GPATCH2: variants seen among roughly 807,000 people sequenced by gnomAD.
The protein encoded by GPATCH2 is G patch domain-containing protein 2.
In GPATCH2, 51 loss-of-function variants were observed where a neutral mutation model predicts 58.0. That is an observed-to-expected ratio of 0.88 (90% CI 0.70 to 1.11). GPATCH2 has a LOEUF of 1.11. Among genes scored for constraint, GPATCH2 ranks in the 50% most tolerant of loss-of-function variants. GPATCH2 has a pLI of 0.00. For missense variants in GPATCH2, 625 were observed against 652.2 expected (o/e 0.96, Z 0.45); for synonymous variants, 222 against 218.5 (o/e 1.02, Z -0.14).
chr1:217,609,033 G>T (rs1422307891), intron 5 of GPATCH2: 1 of 857,368 alleles, frequency 1.2e-6, no homozygotes, highest in Non-Finnish European at 1.4e-6. Context: ...GCCATTAAAT[G>T]CTGAATTAAC....
At chr1:217,468,711 T>C (rs1221458987) in intron 8 of GPATCH2, among the ~76,000 whole-genome samples, 1 of 152,114 alleles carries the variant, frequency 6.6e-6, no homozygotes, top group Non-Finnish European at 1.5e-5. Flanking sequence ...TAAGGGATTA[T>C]TGTTATTTTT....
At chr1:217,588,258 T>A (rs763367056) in intron 5 of GPATCH2, among the ~76,000 whole-genome samples, 1 of 152,156 alleles carries the variant, frequency 6.6e-6, no homozygotes, top group Non-Finnish European at 1.5e-5. Flanking sequence ...CTCAGAAGCA[T>A]AGGAAAGACT....
At chr1:217,474,158 T>C (rs1217781827) in intron 8 of GPATCH2, among the ~76,000 whole-genome samples, 3 of 152,072 alleles carry the variant, frequency 2.0e-5, no homozygotes, top group Non-Finnish European at 4.4e-5. Flanking sequence ...CAAGGGGAGA[T>C]AGTGAAGCAT....
chr1:217,490,395 T>A (rs1661662009), intron 8 of GPATCH2, among the ~76,000 whole-genome samples: 1 of 152,212 alleles, frequency 6.6e-6, no homozygotes, highest in African/African-American at 2.4e-5. Flanking sequence ...TCTGTATCTA[T>A]GGATTTATAA....
At chr1:217,574,051 AC>A (rs1666693634) in intron 5 of GPATCH2, among the ~76,000 whole-genome samples, 1 of 152,234 alleles carries the variant, frequency 6.6e-6, no homozygotes, top group Admixed American at 6.5e-5. Flanking sequence ...TGCAGTCTTA[AC>A]ATGGATACCA....
intron 5 of GPATCH2, among the ~76,000 whole-genome samples, chr1:217,581,851 T>A (rs1407987422): frequency 6.6e-6 from 1 of 152,174 alleles, no homozygotes; most frequent in African/African-American, 2.4e-5. Context: ...CTTGGGAGGC[T>A]GAGGCAGGAG....
intron 5 of GPATCH2, among the ~76,000 whole-genome samples, chr1:217,547,118 C>G (rs1164785223): frequency 1.3e-5 from 2 of 152,112 alleles, no homozygotes; most frequent in African/African-American, 4.8e-5. Flanking sequence ...AATTCCAGCA[C>G]TTAGGGAGGC....
intron 8 of GPATCH2, among the ~76,000 whole-genome samples, chr1:217,484,227 T>C (rs1292751147): frequency 6.6e-6 from 1 of 152,142 alleles, no homozygotes; most frequent in African/African-American, 2.4e-5. Context: ...CCTCTTCTAA[T>C]CAATTGTTTT....
At chr1:217,499,880 T>A (rs1292757035) in intron 6 of GPATCH2, among the ~76,000 whole-genome samples, 1 of 152,114 alleles carries the variant, frequency 6.6e-6, no homozygotes. Context: ...CACTGTCAAC[T>A]CTTTTAGTCT....
chr1:217,430,395 G>A lies in GPATCH2; in HGVS notation c.*750C>T, dbSNP rs1014872994. The A allele has an allele frequency of 6.6e-6, 1 of 152,150 alleles. No individual in the cohort carries two copies. The highest frequency in any genetic ancestry group is 1.5e-5 in the Non-Finnish European group (1 of 68,034). The allele number at this position is 152,150 out of a possible 1,614,324, so 9.4% of individuals were successfully genotyped here. On this transcript the variant is annotated 3_prime_UTR_variant, in exon 10 of 10. Transcript: ENST00000366935. ...TAATAGAATTTACAGTTCAATCACGGTGAATTTAAAAAATACATTTTTCTT... is the reference window on the plus strand; with the variant it reads ...TAATAGAATTTACAGTTCAATCACGATGAATTTAAAAAATACATTTTTCTT...
intron 5 of GPATCH2, among the ~76,000 whole-genome samples, chr1:217,549,617 A>G (rs1318587211): frequency 6.6e-6 from 1 of 152,222 alleles, no homozygotes; most frequent in Non-Finnish European, 1.5e-5. Context: ...GACTCTTGTC[A>G]TTCATTCATT....
intron 6 of GPATCH2, among the ~76,000 whole-genome samples, chr1:217,507,107 A>C (rs1170438659): frequency 1.3e-5 from 2 of 152,202 alleles, no homozygotes; most frequent in Non-Finnish European, 2.9e-5. Flanking sequence ...TACACCCGGC[A>C]CCTAGTACAC....
At chr1:217,432,463 A>C (rs1434774880) in intron 9 of GPATCH2, among the ~76,000 whole-genome samples, 2 of 152,216 alleles carry the variant, frequency 1.3e-5, no homozygotes, top group Non-Finnish European at 2.9e-5. Flanking sequence ...CAGTCAAAAA[A>C]TACAAGAACT....
chr1:217,457,031 G>T (rs902735050), intron 8 of GPATCH2, among the ~76,000 whole-genome samples: 1 of 152,016 alleles, frequency 6.6e-6, no homozygotes, highest in Non-Finnish European at 1.5e-5. Flanking sequence ...CATTAAGCAC[G>T]CAATGAAAGA....
chr1:217,450,632 T>C (rs1264033671), intron 8 of GPATCH2, among the ~76,000 whole-genome samples: 2 of 152,174 alleles, frequency 1.3e-5, no homozygotes, highest in Non-Finnish European at 2.9e-5. Context: ...GAGCGCATAC[T>C]GTTTCTGTTA....
chr1:217,558,109 CAT>C (rs572179035), intron 5 of GPATCH2, among the ~76,000 whole-genome samples: 22 of 152,212 alleles, frequency 1.4e-4, no homozygotes, highest in Middle Eastern at 3.4e-3. Context: ...AGAAAAACCA[CAT>C]GTTTTGAAAT....
chr1:217,452,260 A>G (rs1399527367), intron 8 of GPATCH2, among the ~76,000 whole-genome samples: 1 of 152,230 alleles, frequency 6.6e-6, no homozygotes, highest in Non-Finnish European at 1.5e-5. Flanking sequence ...GATGCAAGTT[A>G]CTGCACAATG....
In GPATCH2 at chr1:217,514,853, C is replaced by A. The variant is rs1663045379; in HGVS notation, c.1135G>T (p.Val379Phe). The A allele has an allele frequency of 1.3e-6, 2 of 1,539,788 alleles. No homozygotes were observed. The highest frequency in any genetic ancestry group is 2.2e-5 in the South Asian group (2 of 89,386). ...IPGPVGNKRM[V>F]HFSPDSHHHD... is the part of the protein sequence containing the mutation. ...TGATGAGAATCCGGGGAAAAATGAA[C>A]CATTCTCTTGTTACCCACTGGGCCA... Residue 379 changes from valine to phenylalanine, a missense_variant, in exon 6 of 10, where the codon GTT (valine) becomes TTT (phenylalanine). Transcript: ENST00000366935.
chr1:217,454,505 C>A (rs1049730487), intron 8 of GPATCH2, among the ~76,000 whole-genome samples: 4 of 135,674 alleles, frequency 2.9e-5, no homozygotes, highest in Non-Finnish European at 6.1e-5. Context: ...AGGAGAATGG[C>A]GTGAACCCGG....
Sources: allele counts gnomAD v4.1 joint callset (sites outside exome capture counted in the v4.1 genomes callset), GRCh38; gene constraint gnomAD v4.1.1; transcripts MANE v1.5; gene names NCBI Gene and HGNC (gene_info 2026-07-23, HGNC 2026-07-21).